The following PTPRG variants were observed in gnomAD, a reference collection of about 807,000 sequenced individuals.
PTPRG encodes protein tyrosine phosphatase receptor type G.
Under a neutral mutation model 165.3 loss-of-function variants are expected in PTPRG, and 102 were observed. The observed-to-expected ratio is 0.62, with a 90% confidence interval of 0.53 to 0.73. PTPRG has a LOEUF of 0.73. Among genes scored for constraint, PTPRG ranks in the 30% least tolerant of loss-of-function variants. The pLI is 0.00. For missense variants in PTPRG, 1,866 were observed against 1,861.4 expected, an observed-to-expected ratio of 1.00 and a Z score of -0.05; for synonymous variants, 675 against 669.5, an observed-to-expected ratio of 1.01 and a Z score of -0.13.
intron 2 of PTPRG, among the ~76,000 whole-genome samples, chr3:61,768,900 G>A (rs2034119896): frequency 6.6e-6 from 1 of 152,100 alleles, no homozygotes; most frequent in Non-Finnish European, 1.5e-5. Flanking sequence ...GTTGTGAGGT[G>A]TGGTCACAGG....
At chr3:61,990,693 T>TA (rs2040863355) in intron 3 of PTPRG, among the ~76,000 whole-genome samples, 1 of 152,198 alleles carries the variant, frequency 6.6e-6, no homozygotes, top group Admixed American at 6.5e-5. Context: ...TCTTATTACT[T>TA]AACTACTTAT....
At chr3:62,147,628 G>A (rs1354480820) in intron 6 of PTPRG, among the ~76,000 whole-genome samples, 1 of 152,172 alleles carries the variant, frequency 6.6e-6, no homozygotes, top group Non-Finnish European at 1.5e-5. Flanking sequence ...TTGGAGATGA[G>A]GAAAACAGTA....
At chr3:62,002,622 T>C (rs1214755667) in intron 3 of PTPRG, among the ~76,000 whole-genome samples, 1 of 152,218 alleles carries the variant, frequency 6.6e-6, no homozygotes, top group African/African-American at 2.4e-5. Flanking sequence ...GGTTGGAATT[T>C]AGTTGAGGTT....
At chr3:61,954,353 A>G (rs1352449092) in intron 2 of PTPRG, among the ~76,000 whole-genome samples, 30 of 152,084 alleles carry the variant, frequency 2.0e-4, no homozygotes, top group Admixed American at 1.8e-3. Context: ...GTAAATTTGT[A>G]TATGTTTGTT....
At chr3:62,096,561 A>G (rs1293276364) in intron 5 of PTPRG, among the ~76,000 whole-genome samples, 1 of 152,312 alleles carries the variant, frequency 6.6e-6, no homozygotes, top group Middle Eastern at 3.4e-3. Context: ...ATGTTTTGCC[A>G]TGTGTTATCT....
At position 62,222,516 on chromosome 3, in the gene PTPRG, A is replaced by G. The variant is rs764775207; in HGVS notation, c.2288+3533A>G. Among the ~76,000 whole-genome samples the G allele has an allele frequency of 2.6e-5, 4 of 151,998 alleles. No homozygotes were observed. The highest frequency in any genetic ancestry group is 4.4e-5 in the Non-Finnish European group (3 of 68,010). ...TTACTGACTTCTGTCATTTGTCCAT[A>G]CCCCGGAGTCGTCTGGTGGCCAAAA... On this transcript the variant is annotated intron_variant, in intron 13 of 29. Coordinates refer to ENST00000474889, the MANE Select transcript of PTPRG (RefSeq NM_002841.4). This position sits in a 1 kb window ranked among gnomAD's most constrained non-coding sequence, Gnocchi z 4.5.
At position 62,149,566 on chromosome 3, in the gene PTPRG, G is replaced by A. The variant is rs533728398; in HGVS notation, c.683-7501G>A. Among the ~76,000 whole-genome samples the A allele has an allele frequency of 3.3e-5, 5 of 152,196 alleles. No individual in the cohort carries two copies. The East Asian group carries it at 7.7e-4, about 24-fold the overall frequency. ...AATACAGGCATGAGCCACTGCGCCC[G>A]GCCATCTTCGTTCTAATCTAATACT... On this transcript the variant is annotated intron_variant, in intron 6 of 29. Transcript: ENST00000474889.
Position 62,076,583 on chromosome 3 carries a change from C to CT in PTPRG, c.520-1566dup, listed in dbSNP as rs553757930. On this transcript the variant is annotated intron_variant, in intron 4 of 29. Coordinates refer to ENST00000474889, the MANE Select transcript of PTPRG (RefSeq NM_002841.4). Reference sequence around the variant, plus strand: ...AATGGTTCATTTTTGTTCTCTACATCTTTTTTTTTTTTTTCGAGACAGAGT... The same window carrying CT: ...AATGGTTCATTTTTGTTCTCTACATCTTTTTTTTTTTTTTTCGAGACAGAGT... Among the ~76,000 whole-genome samples the CT allele has an allele frequency of 3.7e-3, 516 of 138,984 alleles. 6 individuals are homozygous for CT. The highest frequency in any genetic ancestry group is 0.024 in the South Asian group (101 of 4,262). The allele number at this position is 138,984 out of a possible 152,430, so 91.2% of individuals were successfully genotyped here.
In PTPRG at chr3:61,989,924, A is replaced by G. The variant is rs1001560675; in HGVS notation, c.370+120A>G. ...GTGCACATTGCTGTGGGGAGCCTAA[A>G]TCAGTCCTTAGTTTCAGAACAAGTT... On this transcript the variant is annotated intron_variant, in intron 3 of 29. Coordinates refer to ENST00000474889, the MANE Select transcript of PTPRG (RefSeq NM_002841.4). 8.5e-6 allele frequency: 9 copies of G among 1,058,634 alleles called. No individual in the cohort carries two copies. The African/African-American group carries it at 1.4e-4, about 17-fold the overall frequency. The allele number at this position is 1,058,634 out of a possible 1,614,324, so 65.6% of individuals were successfully genotyped here. A position where few individuals can be genotyped will look rare whatever the true frequency, so the allele number is the denominator to read the frequency against.
chr3:62,177,579 T>C lies in PTPRG; in HGVS notation c.1033+9416T>C, dbSNP rs1705472445. Among the ~76,000 whole-genome samples, 5 of 152,170 alleles carry C rather than the reference T, an allele frequency of 3.3e-5. No homozygotes were observed. In the South Asian group the frequency reaches 1.0e-3, roughly 32 times the overall value. The stretch of plus-strand genomic sequence containing the variant: ...GTCAAAACCTTTCTGATGAAATGTA[T>C]AATCCTTAAGGTGGTCCACACATCA... On this transcript the variant is annotated intron_variant, in intron 8 of 29. Transcript: ENST00000474889.
chr3:61,939,141 A>G (rs2039550467), intron 2 of PTPRG, among the ~76,000 whole-genome samples: 1 of 152,208 alleles, frequency 6.6e-6, no homozygotes, highest in South Asian at 2.1e-4. Context: ...TCAAACTGGC[A>G]GTCACACTTG....
At chr3:61,659,391 A>G (rs1170547124) in intron 1 of PTPRG, 9 of 984,982 alleles carry the variant, frequency 9.1e-6, no homozygotes, top group Non-Finnish European at 1.1e-5. Context: ...TTCACTGGAG[A>G]AGAAGATAGT....
intron 2 of PTPRG, among the ~76,000 whole-genome samples, chr3:61,773,066 G>A (rs996255165): frequency 1.3e-5 from 2 of 152,196 alleles, no homozygotes; most frequent in African/African-American, 2.4e-5. Flanking sequence ...ATGTTGGTTT[G>A]CTGAACTTAA....
At chr3:61,669,813 T>C (rs577603087) in intron 1 of PTPRG, among the ~76,000 whole-genome samples, 63 of 152,142 alleles carry the variant, frequency 4.1e-4, no homozygotes, top group South Asian at 8.3e-4. Flanking sequence ...GGACAGCTGG[T>C]TGGGTGTTGA....
At chr3:61,656,347 G>C (rs1702509425) in intron 1 of PTPRG, among the ~76,000 whole-genome samples, 1 of 152,158 alleles carries the variant, frequency 6.6e-6, no homozygotes, top group African/African-American at 2.4e-5. Flanking sequence ...CTGTCTCAGG[G>C]ATTAGCAAAT....
chr3:62,207,931 T>C (rs1700269221), intron 12 of PTPRG, among the ~76,000 whole-genome samples: 2 of 152,186 alleles, frequency 1.3e-5, no homozygotes, highest in Non-Finnish European at 2.9e-5. Flanking sequence ...CTCACTCAGC[T>C]CCAACAGATT....
At chr3:61,924,804 G>A (rs931798820) in intron 2 of PTPRG, among the ~76,000 whole-genome samples, 1 of 152,208 alleles carries the variant, frequency 6.6e-6, no homozygotes, top group Non-Finnish European at 1.5e-5. Flanking sequence ...AAAAGCAACT[G>A]TTGTGGACTG....
intron 1 of PTPRG, among the ~76,000 whole-genome samples, chr3:61,619,300 T>C (rs1160343580): frequency 6.6e-6 from 1 of 152,202 alleles, no homozygotes; most frequent in Admixed American, 6.5e-5. Context: ...TCTATATACA[T>C]ACAATTTCTG....
intron 6 of PTPRG, among the ~76,000 whole-genome samples, chr3:62,141,770 C>T (rs1423880484): frequency 2.0e-5 from 3 of 150,952 alleles, no homozygotes; most frequent in Admixed American, 2.0e-4. Flanking sequence ...TTAGCTGGGT[C>T]TGGTGGTGCG....
Sources: gnomAD v4.1 joint callset for allele counts (sites outside exome capture counted in the v4.1 genomes callset) on GRCh38, gnomAD v4.1.1 for gene constraint, Gnocchi (gnomAD v3.1) non-coding constraint, MANE v1.5 for transcripts, NCBI Gene and HGNC (gene_info 2026-07-23, HGNC 2026-07-21) for gene names.